The following FNBP1L variants were observed in gnomAD, a reference collection of about 807,000 sequenced individuals.
The protein encoded by FNBP1L is formin binding protein 1 like, also known as formin-binding protein 1-like.
Under a neutral mutation model 91.2 loss-of-function variants are expected in FNBP1L, and 36 were observed. The observed-to-expected ratio is 0.39, with a 90% CI of 0.30 to 0.52. The LOEUF (loss-of-function observed/expected upper bound fraction) is 0.52. Among genes scored for constraint, FNBP1L ranks in the 20% least tolerant of loss-of-function variants. The pLI, the probability that FNBP1L is intolerant of heterozygous loss-of-function variation, is 0.66. For missense variants in FNBP1L, 571 were observed against 732.1 expected (o/e 0.78, Z 2.54); for synonymous variants, 242 against 237.0 (o/e 1.02, Z -0.19).
intron 12 of FNBP1L, among the ~76,000 whole-genome samples, chr1:93,545,396 A>G (rs1386886725): frequency 6.6e-6 from 1 of 152,130 alleles, no homozygotes; most frequent in Non-Finnish European, 1.5e-5. Context: ...ATTTTCCCAG[A>G]TATCTCCATG....
intron 1 of FNBP1L, among the ~76,000 whole-genome samples, chr1:93,454,480 G>T (rs1209805500): frequency 1.3e-5 from 2 of 152,314 alleles, no homozygotes; most frequent in East Asian, 3.9e-4. Context: ...GGCAGGAGGG[G>T]AATACCTCTG....
At chr1:93,448,431 T>C in intron 1 of FNBP1L, 126 bp downstream of exon 1, 1 of 1,054,508 alleles carries the variant, frequency 9.5e-7, no homozygotes, top group East Asian at 3.2e-5. Flanking sequence ...TGGCGGAGGG[T>C]GAGGGTCCCG....
chr1:93,504,428 C>G (rs990489452), intron 2 of FNBP1L, among the ~76,000 whole-genome samples: 1 of 152,198 alleles, frequency 6.6e-6, no homozygotes, highest in African/African-American at 2.4e-5. Flanking sequence ...GAAGCCTCCC[C>G]AGCCATGTGG....
chr1:93,453,706 G>A (rs1668568024), intron 1 of FNBP1L, among the ~76,000 whole-genome samples: 1 of 152,148 alleles, frequency 6.6e-6, no homozygotes, highest in African/African-American at 2.4e-5. Flanking sequence ...GGTAGGAAAG[G>A]TTATGTAAAG....
At chr1:93,551,853 T>C (rs965655155) in intron 16 of FNBP1L, 1 of 985,260 alleles carries the variant, frequency 1.0e-6, no homozygotes, top group Admixed American at 6.2e-5. Flanking sequence ...TCTCATACTT[T>C]TGTATGTTTC....
chr1:93,484,129 A>G (rs1359436736), intron 1 of FNBP1L, among the ~76,000 whole-genome samples: 1 of 152,020 alleles, frequency 6.6e-6, no homozygotes, highest in African/African-American at 2.4e-5. Flanking sequence ...GGGTTTCACT[A>G]TGTTGGGCAG....
chr1:93,493,298 A>G (rs184040162), intron 1 of FNBP1L, among the ~76,000 whole-genome samples: 19 of 152,328 alleles, frequency 1.2e-4, no homozygotes, highest in Admixed American at 1.2e-3. Flanking sequence ...GCAGTGAGCT[A>G]TGATGGTGAA....
intron 14 of FNBP1L, 36 bp downstream of exon 14, chr1:93,547,477 C>A (rs2101774875): frequency 1.3e-6 from 2 of 1,502,502 alleles, no homozygotes; most frequent in South Asian, 2.4e-5. Flanking sequence ...TTCTTCTCCC[C>A]AGAGTTTTCT....
At chr1:93,493,741 C>T (rs1670173958) in intron 1 of FNBP1L, among the ~76,000 whole-genome samples, 1 of 151,932 alleles carries the variant, frequency 6.6e-6, no homozygotes, top group African/African-American at 2.4e-5. Context: ...ATTTATATAC[C>T]ACATTTTATT....
chr1:93,506,915 A>T (rs189522746), intron 2 of FNBP1L, among the ~76,000 whole-genome samples: 1 of 152,276 alleles, frequency 6.6e-6, no homozygotes, highest in East Asian at 1.9e-4. Flanking sequence ...TTAATATCAC[A>T]TATATAACTA....
chr1:93,449,213 T>G (rs1267438821), intron 1 of FNBP1L, among the ~76,000 whole-genome samples: 2 of 151,962 alleles, frequency 1.3e-5, no homozygotes, highest in African/African-American at 4.8e-5. Context: ...GGGTAATAGG[T>G]CGGAGAATTT....
At chr1:93,531,273 A>G (rs1274139563) in intron 7 of FNBP1L, among the ~76,000 whole-genome samples, 2 of 152,194 alleles carry the variant, frequency 1.3e-5, no homozygotes, top group Non-Finnish European at 2.9e-5. Context: ...AAATCTTACA[A>G]AATATATTTG....
chr1:93,472,000 T>G (rs779233723), intron 1 of FNBP1L, among the ~76,000 whole-genome samples: 19 of 152,216 alleles, frequency 1.2e-4, no homozygotes, highest in Non-Finnish European at 2.6e-4. Flanking sequence ...GTGCTGTTAA[T>G]TAGCAGTACA....
intron 12 of FNBP1L, among the ~76,000 whole-genome samples, chr1:93,545,599 T>C (rs1390628245): frequency 2.0e-5 from 3 of 152,116 alleles, no homozygotes; most frequent in Admixed American, 2.0e-4. Flanking sequence ...TCCCCAGTTA[T>C]TGAGAGAAGG....
intron 2 of FNBP1L, among the ~76,000 whole-genome samples, chr1:93,508,431 T>G (rs948105790): frequency 6.6e-6 from 1 of 152,180 alleles, no homozygotes; most frequent in Non-Finnish European, 1.5e-5. Flanking sequence ...AAGAACTTTG[T>G]GGACAGTGCT....
chr1:93,515,024 C>G (rs1437661649), intron 2 of FNBP1L, among the ~76,000 whole-genome samples: 1 of 152,162 alleles, frequency 6.6e-6, no homozygotes, highest in Non-Finnish European at 1.5e-5. Flanking sequence ...ACTCATCTGA[C>G]AGAGGGCTAA....
At chr1:93,453,634 T>G (rs1349807968) in intron 1 of FNBP1L, among the ~76,000 whole-genome samples, 2 of 152,186 alleles carry the variant, frequency 1.3e-5, no homozygotes, top group Non-Finnish European at 2.9e-5. Context: ...CTTTAAACAT[T>G]TTCACTTCAA....
chr1:93,524,039 T>C (rs1227346000), intron 4 of FNBP1L, among the ~76,000 whole-genome samples: 2 of 152,192 alleles, frequency 1.3e-5, no homozygotes, highest in Non-Finnish European at 1.5e-5. Flanking sequence ...TTCAAGGTTA[T>C]ATGTAAAGTG....
chr1:93,552,089 C>T (rs1230334799), intron 16 of FNBP1L: 16 of 1,093,922 alleles, frequency 1.5e-5, no homozygotes, highest in African/African-American at 4.9e-5. Context: ...TTGTTATTTC[C>T]GCTGAATCAT....
Sources: gnomAD v4.1 joint callset for allele counts (sites outside exome capture counted in the v4.1 genomes callset) on GRCh38, gnomAD v4.1.1 for gene constraint, MANE v1.5 for transcripts, NCBI Gene and HGNC (gene_info 2026-07-23, HGNC 2026-07-21) for gene names.